Variants in ZNF69 observed in about 807,000 individuals in gnomAD.
The protein encoded by ZNF69 is zinc finger protein 69.
Under a neutral mutation model 50.9 loss-of-function variants are expected in ZNF69, and 47 were observed. The observed-to-expected ratio is 0.92, with a 90% CI of 0.73 to 1.18. ZNF69 has a LOEUF of 1.18. Ranked by LOEUF, ZNF69 falls within the 50% of genes most tolerant of loss-of-function variation. The pLI, the probability that ZNF69 is intolerant of heterozygous loss-of-function variation, is 0.00. For missense variants in ZNF69, 717 were observed against 675.1 expected, an observed-to-expected ratio of 1.06 and a Z score of -0.69; for synonymous variants, 216 against 223.1, an observed-to-expected ratio of 0.97 and a Z score of 0.29.
At chr19:11,902,956 G>T (rs1050965336) in intron 1 of ZNF69, among the ~76,000 whole-genome samples, 4 of 152,146 alleles carry the variant, frequency 2.6e-5, no homozygotes, top group Non-Finnish European at 4.4e-5. Flanking sequence ...TTTAGCCCTT[G>T]TTCAGTTCTA....
intron 1 of ZNF69, among the ~76,000 whole-genome samples, chr19:11,897,873 A>G (rs1294960220): frequency 4.8e-5 from 7 of 146,166 alleles, no homozygotes; most frequent in Non-Finnish European, 7.5e-5. Flanking sequence ...CTCCATCTCA[A>G]AAAAAAAAAA....
At chr19:11,909,779 C>G (rs1972430812), downstream of ZNF69, among the ~76,000 whole-genome samples, 1 of 151,820 alleles carries the variant, frequency 6.6e-6, no homozygotes, top group Non-Finnish European at 1.5e-5. Flanking sequence ...GATGCCCTCT[C>G]TCACCACTCC....
Position 11,903,903 on chromosome 19 carries a change from A to T in ZNF69, c.191-2A>T. 6.2e-7 allele frequency: 1 copy of T among 1,613,412 alleles called. No individual in the cohort carries two copies. Among genetic ancestry groups the T allele is most frequent in the South Asian group, 1.1e-5 (1 of 90,752 alleles). ...GACTATTTTTCTGTGTCTATATTTT[A>T]GGAAAAAGTTGGAAAGACCAGAACA... On this transcript the variant is annotated splice_acceptor_variant, in intron 2 of 3. Coordinates refer to ENST00000429654, the MANE Select transcript of ZNF69 (RefSeq NM_001364730.1). LOFTEE classifies it high-confidence loss of function.
the ZNF69 span, among the ~76,000 whole-genome samples, chr19:11,952,756 A>G: frequency 6.6e-6 from 1 of 152,192 alleles, no homozygotes; most frequent in African/African-American, 2.4e-5. Context: ...GACTCACAGC[A>G]GGGAAGACAG....
At chr19:11,975,634 G>A in the ZNF69 span, among the ~76,000 whole-genome samples, 195 of 147,802 alleles carry the variant, frequency 1.3e-3, no homozygotes, top group African/African-American at 4.4e-3. Flanking sequence ...CGCCCGCCTC[G>A]GCCTACCAAA....
chr19:11,950,930 A>G, the ZNF69 span, among the ~76,000 whole-genome samples: 1 of 152,106 alleles, frequency 6.6e-6, no homozygotes. Context: ...AGGCAGGCGG[A>G]TCACGAGGTG....
At chr19:11,898,161 A>G (rs1278543100) in intron 1 of ZNF69, among the ~76,000 whole-genome samples, 2 of 152,054 alleles carry the variant, frequency 1.3e-5, no homozygotes, top group Non-Finnish European at 2.9e-5. Flanking sequence ...CCTCATCAGT[A>G]TGTTTTATTT....
downstream of ZNF69, among the ~76,000 whole-genome samples, chr19:11,911,567 A>G (rs1324891278): frequency 6.6e-6 from 1 of 152,140 alleles, no homozygotes; most frequent in Non-Finnish European, 1.5e-5. Flanking sequence ...GCAAACTATA[A>G]CAAGGACAGA....
At chr19:11,977,356 GTGTC>G in the ZNF69 span, 2 of 1,613,232 alleles carry the variant, frequency 1.2e-6, no homozygotes, top group African/African-American at 2.7e-5. Context: ...CTACTTTTCT[GTGTC>G]TGTATTTTAG....
the ZNF69 span, chr19:11,977,526 T>C: frequency 7.1e-7 from 1 of 1,412,046 alleles, no homozygotes; most frequent in East Asian, 2.3e-5. Flanking sequence ...AAGTCCAGTA[T>C]CAAATTCATC....
At chr19:11,899,356 C>T (rs1972195208) in intron 1 of ZNF69, among the ~76,000 whole-genome samples, 1 of 152,144 alleles carries the variant, frequency 6.6e-6, no homozygotes, top group Non-Finnish European at 1.5e-5. Flanking sequence ...CTCAAACTCC[C>T]CAGCTCAGGT....
At chr19:11,942,132 G>A in the ZNF69 span, among the ~76,000 whole-genome samples, 2 of 150,988 alleles carry the variant, frequency 1.3e-5, no homozygotes, top group African/African-American at 4.9e-5. Context: ...TGATTCCTGG[G>A]CATCATAATG....
downstream of ZNF69, among the ~76,000 whole-genome samples, chr19:11,916,517 A>G (rs1253488632): frequency 6.6e-6 from 1 of 152,236 alleles, no homozygotes; most frequent in African/African-American, 2.4e-5. Flanking sequence ...CTGGTGACTG[A>G]GGCATGAGAA....
At chr19:11,962,653 A>G in the ZNF69 span, among the ~76,000 whole-genome samples, 2 of 151,916 alleles carry the variant, frequency 1.3e-5, no homozygotes, top group African/African-American at 2.4e-5. Flanking sequence ...ATGGACCAAT[A>G]CTCCCAGCCC....
At chr19:11,915,117 T>G (rs926687606), downstream of ZNF69, among the ~76,000 whole-genome samples, 1 of 152,120 alleles carries the variant, frequency 6.6e-6, no homozygotes. Flanking sequence ...GGCAGGAGAA[T>G]GGCTTGAGCC....
At chr19:11,971,789 C>T in the ZNF69 span, among the ~76,000 whole-genome samples, 2,534 of 152,186 alleles carry the variant, frequency 0.017, 64 homozygotes, top group African/African-American at 0.058. Context: ...TGTGGCCGGG[C>T]GCGGTGGCTC....
the ZNF69 span, among the ~76,000 whole-genome samples, chr19:11,934,424 T>C: frequency 3.3e-3 from 483 of 148,598 alleles, 16 homozygotes; most frequent in East Asian, 0.049. Context: ...TGAGTGTTCA[T>C]TGTCATTGGC....
At chr19:11,925,254 C>T in the ZNF69 span, 3 of 1,612,894 alleles carry the variant, frequency 1.9e-6, no homozygotes, top group Admixed American at 3.3e-5. Context: ...GACCCCGGTA[C>T]ATCTGAAAGC....
the ZNF69 span, among the ~76,000 whole-genome samples, chr19:11,935,233 G>GTTTTT: frequency 5.4e-5 from 5 of 93,232 alleles, no homozygotes; most frequent in Non-Finnish European, 5.9e-5. Context: ...GAAAGATCTT[G>GTTTTT]TTTTTTTTTT....
Sources: allele counts gnomAD v4.1 joint callset (sites outside exome capture counted in the v4.1 genomes callset), GRCh38; gene constraint gnomAD v4.1.1; transcripts MANE v1.5; gene names NCBI Gene and HGNC (gene_info 2026-07-23, HGNC 2026-07-21).